Variants in FBXL17 observed in about 807,000 individuals in gnomAD.
The protein encoded by FBXL17 is F-box and leucine rich repeat protein 17.
In FBXL17, 22 loss-of-function variants were observed where a neutral mutation model predicts 66.2. The observed-to-expected ratio is 0.33, with a 90% CI of 0.24 to 0.47. FBXL17 has a LOEUF of 0.47. Ranked by LOEUF, FBXL17 falls within the 20% of genes least tolerant of loss-of-function variation. The pLI is 1.00. For missense variants in FBXL17, 878 were observed against 948.2 expected, an observed-to-expected ratio of 0.93 and a Z score of 0.97; for synonymous variants, 474 against 400.5, an observed-to-expected ratio of 1.18 and a Z score of -2.19.
At chr5:107,962,563 C>T (rs1751957290) in intron 7 of FBXL17, among the ~76,000 whole-genome samples, 1 of 152,076 alleles carries the variant, frequency 6.6e-6, no homozygotes, top group Admixed American at 6.5e-5. Context: ...TGCTACTATC[C>T]TGCATGCCAA....
rs545754487 is a variant in FBXL17 at position 108,274,284 on chromosome 5, C to CG, written c.1507-50057dup. Among the ~76,000 whole-genome samples the CG allele has an allele frequency of 1.4e-3, 216 of 152,112 alleles. 2 individuals carry two copies. Among genetic ancestry groups the CG allele is most frequent in the Non-Finnish European group, 1.8e-3 (123 of 67,970 alleles). On this transcript the variant is annotated intron_variant, in intron 4 of 8. Coordinates refer to ENST00000542267, the MANE Select transcript of FBXL17 (RefSeq NM_001163315.3). The stretch of plus-strand genomic sequence containing the variant: ...CTCGACCATAAGAGACGACCACGCC[C>CG]GGGGGGGCCAGTTTAGAGACCTACC...
intron 5 of FBXL17, among the ~76,000 whole-genome samples, chr5:108,206,928 T>G (rs1444898951): frequency 6.6e-6 from 1 of 152,158 alleles, no homozygotes; most frequent in Non-Finnish European, 1.5e-5. Flanking sequence ...TTAACAGTTT[T>G]AGAAATTACT....
At chr5:108,114,963 G>T in intron 6 of FBXL17, among the ~76,000 whole-genome samples, 1 of 152,216 alleles carries the variant, frequency 6.6e-6, no homozygotes, top group East Asian at 1.9e-4. Flanking sequence ...CAGAAATGTA[G>T]TCCAAAAAAT....
At chr5:108,373,330 T>C (rs1663682908) in intron 1 of FBXL17, among the ~76,000 whole-genome samples, 1 of 136,638 alleles carries the variant, frequency 7.3e-6, no homozygotes, top group Non-Finnish European at 1.5e-5. Context: ...TTTTTATTAA[T>C]ATATATCTAA....
At chr5:107,890,143 C>T (rs1034827594) in intron 7 of FBXL17, among the ~76,000 whole-genome samples, 1 of 152,158 alleles carries the variant, frequency 6.6e-6, no homozygotes, top group African/African-American at 2.4e-5. Flanking sequence ...ACATATATTA[C>T]TTATCAAAGA....
intron 6 of FBXL17, among the ~76,000 whole-genome samples, chr5:108,150,102 T>G (rs760938738): frequency 2.6e-5 from 4 of 152,226 alleles, no homozygotes; most frequent in Non-Finnish European, 4.4e-5. Context: ...GCAAAACCAT[T>G]TGAAAGTAAA....
At chr5:108,065,188 T>G (rs1479590197) in intron 6 of FBXL17, among the ~76,000 whole-genome samples, 1 of 152,172 alleles carries the variant, frequency 6.6e-6, no homozygotes. Flanking sequence ...GATATGTACA[T>G]ATGTATGTAT....
At chr5:108,125,591 G>C (rs375732060) in intron 6 of FBXL17, among the ~76,000 whole-genome samples, 1 of 152,138 alleles carries the variant, frequency 6.6e-6, no homozygotes. Flanking sequence ...AGGGTGGCAA[G>C]GAAGGAGTAG....
At position 107,861,637 on chromosome 5, in the gene FBXL17, C is replaced by A. The variant is rs898298495; in HGVS notation, c.*83G>T. 1 of 1,332,590 alleles carries A rather than the reference C, an allele frequency of 7.5e-7. No individual in the cohort carries two copies. Among genetic ancestry groups the A allele is most frequent in the Non-Finnish European group, 9.9e-7 (1 of 1,011,716 alleles). 82.5% of individuals were successfully genotyped at this position (1,332,590 alleles called of 1,614,324 possible). A position where few individuals can be genotyped will look rare whatever the true frequency, so the allele number is the denominator to read the frequency against. On this transcript the variant is annotated 3_prime_UTR_variant, in exon 9 of 9. Coordinates refer to ENST00000542267, the MANE Select transcript of FBXL17 (RefSeq NM_001163315.3). ...CACACAGACAGGTGACAGTTAAAAC[C>A]CTTCCGAGAGATCAGCTCCCCAAAT...
intron 6 of FBXL17, among the ~76,000 whole-genome samples, chr5:108,128,555 C>G (rs117170475): frequency 6.6e-6 from 1 of 152,102 alleles, no homozygotes; most frequent in African/African-American, 2.4e-5. Context: ...TGTCCTGGGG[C>G]ACATAGAAAC....
At position 108,128,876 on chromosome 5, in the gene FBXL17, A is replaced by G. The variant is rs143900314; in HGVS notation, c.1745+57241T>C. ...ATATATAACTTCAACAGGAACAACT[A>G]GATATTTAAATATGTGCAACAAAAT... is the stretch of plus-strand genomic sequence containing the variant. On this transcript the variant is annotated intron_variant, in intron 6 of 8. Transcript: ENST00000542267. Among the ~76,000 whole-genome samples the G allele has an allele frequency of 3.3e-5, 5 of 152,294 alleles. No individual in the cohort carries two copies. The East Asian group carries it at 7.7e-4, about 24-fold the overall frequency.
At chr5:108,055,305 AAAAAAAAAG>A (rs758470570) in intron 6 of FBXL17, among the ~76,000 whole-genome samples, 4,114 of 29,864 alleles carry the variant, frequency 0.14, 280 homozygotes, top group Non-Finnish European at 0.17. Context: ...AAAAAAAAAA[AAAAAAAAAG>A]AAAAACGCTT....
intron 7 of FBXL17, among the ~76,000 whole-genome samples, chr5:107,955,735 A>T (rs764398686): frequency 3.0e-4 from 45 of 152,334 alleles, no homozygotes; most frequent in Non-Finnish European, 3.5e-4. Flanking sequence ...AAATGCTCAG[A>T]GACAGAGATT....
chr5:108,134,537 A>G (rs2149979870), intron 6 of FBXL17, among the ~76,000 whole-genome samples: 1 of 152,194 alleles, frequency 6.6e-6, no homozygotes, highest in South Asian at 2.1e-4. Flanking sequence ...AACTGCAGCA[A>G]CTCTTTCTGG....
intron 6 of FBXL17, among the ~76,000 whole-genome samples, chr5:108,086,139 C>G (rs1010238317): frequency 6.6e-6 from 1 of 152,174 alleles, no homozygotes; most frequent in Non-Finnish European, 1.5e-5. Context: ...TCTCCCTTCT[C>G]CCTTGAAGAT....
intron 6 of FBXL17, among the ~76,000 whole-genome samples, chr5:108,178,088 C>T (rs1036552225): frequency 6.6e-6 from 1 of 151,806 alleles, no homozygotes; most frequent in Admixed American, 6.6e-5. Flanking sequence ...AGCAGTGGCA[C>T]GATCACAGCT....
chr5:108,108,043 A>G (rs1045635040), intron 6 of FBXL17, among the ~76,000 whole-genome samples: 2 of 151,946 alleles, frequency 1.3e-5, no homozygotes, highest in African/African-American at 4.8e-5. Flanking sequence ...TGTTTCTCAA[A>G]CACACTAGTG....
At chr5:108,232,664 C>T (rs1452082527) in intron 4 of FBXL17, among the ~76,000 whole-genome samples, 1 of 150,726 alleles carries the variant, frequency 6.6e-6, no homozygotes, top group Non-Finnish European at 1.5e-5. Flanking sequence ...TACCCTCAAA[C>T]ATTGGACTCC....
chr5:108,288,842 T>A (rs746542585), intron 4 of FBXL17, among the ~76,000 whole-genome samples: 3 of 152,066 alleles, frequency 2.0e-5, no homozygotes, highest in Admixed American at 6.6e-5. Context: ...ACTTTAAACA[T>A]AACTTTGACT....
Sources: allele counts gnomAD v4.1 joint callset (sites outside exome capture counted in the v4.1 genomes callset), GRCh38; gene constraint gnomAD v4.1.1; transcripts MANE v1.5; gene names NCBI Gene and HGNC (gene_info 2026-07-23, HGNC 2026-07-21).